The following SI variants were observed in gnomAD, a reference collection of about 807,000 sequenced individuals.
SI encodes sucrase-isomaltase.
Under a neutral mutation model 253.3 loss-of-function variants are expected in SI, and 235 were observed. That is an observed-to-expected ratio of 0.93 (90% CI 0.83 to 1.03). SI has a LOEUF of 1.03. Among genes scored for constraint, SI ranks in the 50% least tolerant of loss-of-function variants. The pLI is 0.00. For synonymous variants in SI, 819 were observed against 712.0 expected (o/e 1.15, Z -2.39); for missense variants, 2,442 against 2,211.1 (o/e 1.10, Z -2.09).
chr3:165,070,889 C>T (rs1444783543), intron 3 of SI, among the ~76,000 whole-genome samples: 1 of 152,018 alleles, frequency 6.6e-6, no homozygotes, highest in Non-Finnish European at 1.5e-5. Flanking sequence ...CATGCTGCCT[C>T]CAAAGGCTTC....
At chr3:165,016,818 A>C (rs1719052502) in intron 31 of SI, among the ~76,000 whole-genome samples, 1 of 151,944 alleles carries the variant, frequency 6.6e-6, no homozygotes, top group South Asian at 2.1e-4. Context: ...TTAAATAATA[A>C]ATTTCCACGT....
chr3:165,035,248 T>C (rs1007298870), intron 22 of SI, among the ~76,000 whole-genome samples: 3 of 151,966 alleles, frequency 2.0e-5, no homozygotes, highest in African/African-American at 7.2e-5. Flanking sequence ...AAGACTACAT[T>C]TATCAAGGAA....
At chr3:165,018,330 T>G (rs556735816) in intron 28 of SI, among the ~76,000 whole-genome samples, 1 of 150,720 alleles carries the variant, frequency 6.6e-6, no homozygotes, top group Admixed American at 6.7e-5. Flanking sequence ...TATATATTTG[T>G]ATTAATATAC....
intron 9 of SI, among the ~76,000 whole-genome samples, chr3:165,062,087 G>A (rs1714010594): frequency 6.6e-6 from 1 of 151,788 alleles, no homozygotes; most frequent in Non-Finnish European, 1.5e-5. Context: ...TCATTAATAA[G>A]TAAATATATA....
chr3:165,018,149 A>G, intron 28 of SI, 83 bp from the exon 29 acceptor site: 1 of 827,760 alleles, frequency 1.2e-6, no homozygotes, highest in Non-Finnish European at 2.1e-6. Context: ...AATTTATTAT[A>G]CAATCGAGAC....
chr3:164,995,667 A>G (rs1256752456), intron 40 of SI, among the ~76,000 whole-genome samples: 9 of 151,720 alleles, frequency 5.9e-5, no homozygotes, highest in Non-Finnish European at 1.3e-4. Flanking sequence ...TATATTGGTT[A>G]CTGTTCCCCA....
intron 21 of SI, 88 bp from the exon 22 acceptor site, chr3:165,036,565 GT>G (rs1712543094): frequency 1.2e-6 from 1 of 838,982 alleles, no homozygotes; most frequent in African/African-American, 1.7e-5. Context: ...CAACCTGTCT[GT>G]TTTATGGGCC....
chr3:165,074,510 T>C (rs73163479), intron 3 of SI, 21 bp downstream of exon 3: 126 of 1,539,960 alleles, frequency 8.2e-5, no homozygotes, highest in Non-Finnish European at 1.0e-4. Context: ...ATTAAAAATA[T>C]TAAAGACTTT....
intron 25 of SI, among the ~76,000 whole-genome samples, chr3:165,025,001 T>C (rs1351872347): frequency 6.6e-6 from 1 of 151,274 alleles, no homozygotes; most frequent in Non-Finnish European, 1.5e-5. Context: ...ATTTCTTCCA[T>C]TCTAAATGCT....
chr3:165,058,508 A>G (rs1264901729), intron 12 of SI, among the ~76,000 whole-genome samples: 1 of 151,970 alleles, frequency 6.6e-6, no homozygotes, highest in African/African-American at 2.4e-5. Flanking sequence ...TTTTGAAAAT[A>G]TAAACAAAGT....
chr3:165,071,326 T>C lies in SI; in HGVS notation c.256-2131A>G, dbSNP rs558236114. Among the ~76,000 whole-genome samples the C allele has an allele frequency of 1.6e-4, 25 of 152,078 alleles. No individual in the cohort carries two copies. The South Asian group carries it at 5.2e-3, about 32-fold the overall frequency. ...GTTATTTATGTTTAGTTGGTCTTCCTATTTTTCAGGGTTTTAGGCATTTTC... is the reference window on the plus strand; with the variant it reads ...GTTATTTATGTTTAGTTGGTCTTCCCATTTTTCAGGGTTTTAGGCATTTTC... On this transcript the variant is annotated intron_variant, in intron 3 of 47. Transcript: ENST00000264382.
intron 37 of SI, among the ~76,000 whole-genome samples, chr3:165,004,652 A>C (rs1718418050): frequency 6.6e-6 from 1 of 152,202 alleles, no homozygotes; most frequent in Non-Finnish European, 1.5e-5. Flanking sequence ...GACATGTAGG[A>C]AACTGGAAGT....
rs765007267 is a variant in SI, at chr3:165,018,060, G to A, written c.3430C>T (p.Leu1144Phe). The change falls in exon 29 of 48, where the codon CTT becomes TTT. Residue 1144 changes from leucine (L) to phenylalanine (F), a missense_variant. Leu to Phe is a conservative substitution (Grantham distance 22). Coordinates refer to ENST00000264382, the MANE Select transcript of SI (RefSeq NM_001041.4). ...TAGGGATGAAATCCATAGGAATTAAGTTTGTACTGAAATACGAAAAATAAG... is the reference window on the plus strand; with the variant it reads ...TAGGGATGAAATCCATAGGAATTAAATTTGTACTGAAATACGAAAAATAAG... ...FTRDQPPGYK[L>F]NSYGFHPYYM... 1 of 1,584,458 alleles carries A rather than the reference G, an allele frequency of 6.3e-7. No homozygotes were observed. The highest frequency in any genetic ancestry group is 8.7e-7 in the Non-Finnish European group (1 of 1,153,438).
Position 165,023,729 on chromosome 3 carries a change from A to G in SI, c.2940T>C (p.Asp980=). 4 of 1,610,728 alleles carry G rather than the reference A, an allele frequency of 2.5e-6. No homozygotes were observed. Among genetic ancestry groups the G allele is most frequent in the Non-Finnish European group, 2.5e-6 (3 of 1,177,830 alleles). Residue 980 remains aspartate (D), a synonymous_variant, in exon 26 of 48, where the codon GAT becomes GAC. Transcript: ENST00000264382. ...GAGCTGAGTTGACTGAATAAGAGTT[A>G]TCTTGTCTGGGAAAGTAACACTCAG... is the stretch of plus-strand genomic sequence containing the variant. ...KAPECYFPRQ[D]NSYSVNSARY...
intron 20 of SI, among the ~76,000 whole-genome samples, chr3:165,038,651 G>A (rs1309513595): frequency 6.6e-6 from 1 of 151,640 alleles, no homozygotes; most frequent in Non-Finnish European, 1.5e-5. Context: ...CCTCTTCAAG[G>A]TTGAAATAAA....
At chr3:165,075,835 G>T in intron 2 of SI, 60 bp downstream of exon 2, 1 of 983,936 alleles carries the variant, frequency 1.0e-6, no homozygotes, top group Non-Finnish European at 1.6e-6. Flanking sequence ...TATAACTATT[G>T]TGGAGTAACT....
In SI at chr3:165,005,490, C is replaced by A. The variant is rs1718461443; in HGVS notation, c.4406+1326G>T. ...ACCCACCTACTATGTGCACATGACA[C>A]TTAAAAAAAATCTAAACCCTAAAAA... On this transcript the variant is annotated intron_variant, in intron 37 of 47. Coordinates refer to ENST00000264382, the MANE Select transcript of SI (RefSeq NM_001041.4). 1.3e-5 allele frequency among the ~76,000 whole-genome samples: 2 copies of A among 151,844 alleles called. 1 individual carries two copies. Among genetic ancestry groups the A allele is most frequent in the South Asian group, 4.2e-4 (2 of 4,816 alleles).
At position 165,011,474 on chromosome 3, in the gene SI, G is replaced by A. The variant is rs562549140; in HGVS notation, c.4062+1506C>T. Among the ~76,000 whole-genome samples the A allele has an allele frequency of 2.6e-5, 4 of 152,040 alleles. No individual in the cohort carries two copies. In the East Asian group the frequency reaches 5.8e-4, roughly 22 times the overall value. On this transcript the variant is annotated intron_variant, in intron 34 of 47. Coordinates refer to ENST00000264382, the MANE Select transcript of SI (RefSeq NM_001041.4). ...TCATTGTGGCTGGGAAAGATAAATG[G>A]TATGTTTTCTATCTTCTCACAATTT...
chr3:165,087,650 A>G, the SI span, among the ~76,000 whole-genome samples: 1 of 152,272 alleles, frequency 6.6e-6, no homozygotes, highest in South Asian at 2.1e-4. Context: ...CAAAGGCAAA[A>G]ATGTAACCAT....
Sources: allele counts gnomAD v4.1 joint callset (sites outside exome capture counted in the v4.1 genomes callset), GRCh38; gene constraint gnomAD v4.1.1; transcripts MANE v1.5; gene names NCBI Gene and HGNC (gene_info 2026-07-23, HGNC 2026-07-21).